RGS12: variants seen among roughly 807,000 people sequenced by gnomAD.
RGS12 encodes the protein regulator of G protein signaling 12.
RGS12 carries 66 observed loss-of-function variants against 120.1 expected under a neutral mutation model. The observed-to-expected ratio is 0.55, with a 90% CI of 0.45 to 0.67. The LOEUF (loss-of-function observed/expected upper bound fraction) is 0.67. RGS12 is among the 30% of genes least tolerant of loss of function. The pLI, the probability that RGS12 is intolerant of heterozygous loss-of-function variation, is 0.00. For missense variants in RGS12, 1,859 were observed against 1,957.7 expected, an observed-to-expected ratio of 0.95 and a Z score of 0.95; for synonymous variants, 827 against 804.7, an observed-to-expected ratio of 1.03 and a Z score of -0.47.
intron 4 of RGS12, among the ~76,000 whole-genome samples, chr4:3,388,180 G>A (rs1719060488): frequency 6.6e-6 from 1 of 150,422 alleles, no homozygotes; most frequent in South Asian, 2.1e-4. Context: ...TCCCTCCATG[G>A]AGAGCCCCAG....
intron 13 of RGS12, 123 bp from the exon 14 acceptor site, chr4:3,425,341 C>T (rs749250798): frequency 1.3e-4 from 115 of 854,742 alleles, no homozygotes; most frequent in Non-Finnish European, 1.9e-4. Flanking sequence ...GGCCTCACCT[C>T]GGGGCCATCT....
intron 17 of RGS12, chr4:3,431,799 C>T (rs958424179): frequency 6.7e-5 from 66 of 985,608 alleles, no homozygotes; most frequent in Non-Finnish European, 7.5e-5. Flanking sequence ...CTGCTGGGGG[C>T]GATGGGAGCG....
chr4:3,360,608 A>T (rs1211037871), intron 3 of RGS12, among the ~76,000 whole-genome samples: 1 of 152,134 alleles, frequency 6.6e-6, no homozygotes, highest in African/African-American at 2.4e-5. Context: ...AATTGTCCTT[A>T]TGAAGGGCAA....
chr4:3,419,747 G>A (rs1722800838), intron 9 of RGS12, among the ~76,000 whole-genome samples: 1 of 152,178 alleles, frequency 6.6e-6, no homozygotes, highest in African/African-American at 2.4e-5. Context: ...CTTGGGTCCT[G>A]GAGTTGGAGG....
At chr4:3,331,331 G>T (rs1276133610) in intron 2 of RGS12, among the ~76,000 whole-genome samples, 1 of 152,082 alleles carries the variant, frequency 6.6e-6, no homozygotes, top group Non-Finnish European at 1.5e-5. Flanking sequence ...AAACTGGGAA[G>T]AATCCAGGGA....
At chr4:3,403,844 G>A (rs75260424) in intron 4 of RGS12, among the ~76,000 whole-genome samples, 13,730 of 152,330 alleles carry the variant, frequency 0.09, 826 homozygotes, top group Middle Eastern at 0.15. Context: ...TCTTCCAGTT[G>A]ATAACTGGGG....
At chr4:3,312,250 T>C (rs979978500) in intron 1 of RGS12, among the ~76,000 whole-genome samples, 1 of 152,166 alleles carries the variant, frequency 6.6e-6, no homozygotes, top group Non-Finnish European at 1.5e-5. Flanking sequence ...TTAAAAAAAA[T>C]TAAACTATAA....
upstream of RGS12, among the ~76,000 whole-genome samples, chr4:3,290,717 C>G (rs1259904367): frequency 1.3e-5 from 2 of 152,370 alleles, no homozygotes; most frequent in East Asian, 3.9e-4. Context: ...CATGGCCCTC[C>G]CTGTGCCAAC....
intron 17 of RGS12, among the ~76,000 whole-genome samples, chr4:3,436,693 C>T (rs1335556296): frequency 6.6e-6 from 1 of 152,234 alleles, no homozygotes; most frequent in African/African-American, 2.4e-5. Context: ...GAGCAGCTGG[C>T]AGTGGCTGGC....
chr4:3,293,939 GCAGA>G (rs1219193611), intron 1 of RGS12, among the ~76,000 whole-genome samples: 1 of 151,478 alleles, frequency 6.6e-6, no homozygotes, highest in Non-Finnish European at 1.5e-5. Flanking sequence ...TCATAGCCGT[GCAGA>G]CAGAGAAGGG....
chr4:3,376,345 C>T (rs116647327), intron 3 of RGS12, among the ~76,000 whole-genome samples: 1,795 of 152,264 alleles, frequency 0.012, 47 homozygotes, highest in African/African-American at 0.039. Context: ...TGCTGCCCTC[C>T]CCGCAGACCG....
chr4:3,431,194 C>G, intron 17 of RGS12: 1 of 1,386,608 alleles, frequency 7.2e-7, no homozygotes, highest in Non-Finnish European at 9.3e-7. Context: ...ATCCTGGTGT[C>G]CTGAGAGGCT....
intron 4 of RGS12, among the ~76,000 whole-genome samples, chr4:3,395,878 G>T (rs1577043588): frequency 1.3e-5 from 2 of 152,112 alleles, no homozygotes; most frequent in South Asian, 4.1e-4. Context: ...TTGGTTCCAA[G>T]ACCCCTTGAG....
In RGS12 at chr4:3,417,535, G is replaced by A. The variant is rs138449809; in HGVS notation, c.2755G>A (p.Ala919Thr). 152 of 1,612,526 alleles carry A rather than the reference G, an allele frequency of 9.4e-5. No homozygotes were observed. The highest frequency in any genetic ancestry group is 1.2e-4 in the Non-Finnish European group (142 of 1,179,814). Residue 919 changes from alanine (A) to threonine (T), a missense_variant, in exon 9 of 18, where the codon GCA (alanine) becomes ACA (threonine). Transcript: ENST00000336727. ...SQKKREHGDH[A>T]DDALHANGGL... ...GAAAAAGAGGGAGCACGGGGACCAC[G>A]CAGACGGTTTGTGGGGTGGCTCCTG...
At chr4:3,432,752 G>A (rs1406171833) in intron 17 of RGS12, among the ~76,000 whole-genome samples, 2 of 152,236 alleles carry the variant, frequency 1.3e-5, no homozygotes, top group Admixed American at 6.5e-5. Flanking sequence ...TCCCCGCCCC[G>A]CTGGCTCCTC....
intron 17 of RGS12, chr4:3,432,379 G>C (rs573509805): frequency 5.3e-6 from 1 of 188,730 alleles, no homozygotes; most frequent in Non-Finnish European, 9.9e-6. Flanking sequence ...GCTGTGCGGC[G>C]GGACAGCAGA....
intron 1 of RGS12, among the ~76,000 whole-genome samples, chr4:3,310,648 G>C (rs1724333182): frequency 1.3e-5 from 2 of 152,106 alleles, no homozygotes; most frequent in South Asian, 4.1e-4. Flanking sequence ...CATGGGGCGG[G>C]TATCAGATCG....
At chr4:3,342,414 C>T (rs957233667) in intron 2 of RGS12, 10 of 1,255,140 alleles carry the variant, frequency 8.0e-6, no homozygotes, top group Non-Finnish European at 1.0e-5. Context: ...TTTTAATAGC[C>T]AGTTATTTCC....
At chr4:3,420,454 C>T in intron 9 of RGS12, 188 bp from the exon 10 acceptor site, 1 of 648,916 alleles carries the variant, frequency 1.5e-6, no homozygotes, top group South Asian at 1.7e-5. Flanking sequence ...CCCTGACTGG[C>T]TTCCAGGGTT....
Sources: allele counts gnomAD v4.1 joint callset (sites outside exome capture counted in the v4.1 genomes callset), GRCh38; gene constraint gnomAD v4.1.1; transcripts MANE v1.5; gene names NCBI Gene and HGNC (gene_info 2026-07-23, HGNC 2026-07-21).